Variants in ESRP1 observed in about 807,000 individuals in gnomAD.
The protein encoded by ESRP1 is RNA-binding motif protein 35A.
ESRP1 carries 33 observed loss-of-function variants against 81.7 expected under a neutral mutation model. The ratio of observed to expected loss-of-function variants is 0.40; its 90% CI spans 0.31 to 0.54. ESRP1 has a LOEUF of 0.54. Ranked by LOEUF, ESRP1 falls within the 20% of genes least tolerant of loss-of-function variation. The pLI is 0.41. For synonymous variants in ESRP1, 320 were observed against 303.3 expected (o/e 1.06, Z -0.57); for missense variants, 672 against 833.1 (o/e 0.81, Z 2.38).
At chr8:94,686,867 G>A (rs545922069) in intron 13 of ESRP1, among the ~76,000 whole-genome samples, 29 of 152,106 alleles carry the variant, frequency 1.9e-4, no homozygotes, top group African/African-American at 4.8e-4. Context: ...CTTATTTGGC[G>A]TGCAATTAGA....
chr8:94,651,239 CTTTTTTTTTTTTT>C (rs35413910), intron 4 of ESRP1, among the ~76,000 whole-genome samples: 2 of 102,796 alleles, frequency 1.9e-5, no homozygotes, highest in Non-Finnish European at 1.9e-5. Context: ...ATAGTGTGGT[CTTTTTTTTTTTTT>C]TTTTTTTTTG....
rs116616463 is a variant in ESRP1 at position 94,663,127 on chromosome 8, G to T, written c.644+572G>T. Among the ~76,000 whole-genome samples, 693 of 152,148 alleles carry T rather than the reference G, an allele frequency of 4.6e-3. 3 individuals are homozygous for T. The highest frequency in any genetic ancestry group is 0.016 in the African/African-American group (648 of 41,514). On this transcript the variant is annotated intron_variant, in intron 6 of 15. Transcript: ENST00000433389. ...GCTCATATCTGTGATTGTTATTTTG[G>T]TCTCCCCAAACTATCCGATCTTTCA...
chr8:94,680,218 G>A (rs1384844394), intron 13 of ESRP1, among the ~76,000 whole-genome samples: 2 of 152,036 alleles, frequency 1.3e-5, no homozygotes, highest in African/African-American at 2.4e-5. Flanking sequence ...AAAAAGGAAG[G>A]TCAGGTGCGT....
intron 3 of ESRP1, among the ~76,000 whole-genome samples, chr8:94,645,273 C>A (rs1048055503): frequency 1.3e-5 from 2 of 152,052 alleles, no homozygotes; most frequent in African/African-American, 4.8e-5. Context: ...GAACATTTAA[C>A]ATTTAAAAGT....
chr8:94,690,508 C>G (rs539947480), intron 13 of ESRP1, among the ~76,000 whole-genome samples: 5 of 151,808 alleles, frequency 3.3e-5, no homozygotes, highest in African/African-American at 1.2e-4. Context: ...ATTTTTCTTA[C>G]GATTCCTTGT....
At chr8:94,697,802 G>A (rs1191965546) in intron 15 of ESRP1, among the ~76,000 whole-genome samples, 1 of 151,652 alleles carries the variant, frequency 6.6e-6, no homozygotes, top group Non-Finnish European at 1.5e-5. Context: ...TTTTTTTTGA[G>A]ACAGAGTCTT....
At chr8:94,686,802 C>T (rs1375572798) in intron 13 of ESRP1, among the ~76,000 whole-genome samples, 1 of 152,132 alleles carries the variant, frequency 6.6e-6, no homozygotes, top group Non-Finnish European at 1.5e-5. Context: ...CATTATTGAA[C>T]ATAACTTCAG....
intron 4 of ESRP1, among the ~76,000 whole-genome samples, chr8:94,660,353 G>A (rs1478240344): frequency 6.6e-6 from 1 of 152,196 alleles, no homozygotes; most frequent in Non-Finnish European, 1.5e-5. Flanking sequence ...TGTAATCCCA[G>A]CCCTTGGGCA....
intron 15 of ESRP1, among the ~76,000 whole-genome samples, chr8:94,704,794 C>A (rs78668607): frequency 3.1e-4 from 32 of 101,972 alleles, no homozygotes; most frequent in South Asian, 1.7e-3. Context: ...AAAAAAAAAA[C>A]TGCAGTGAGC....
chr8:94,685,022 T>TAA (rs34287340), intron 13 of ESRP1, among the ~76,000 whole-genome samples: 3 of 143,874 alleles, frequency 2.1e-5, no homozygotes, highest in Non-Finnish European at 3.1e-5. Context: ...AGCCTGTCTT[T>TAA]AAAAAAAAAA....
Position 94,641,200 on chromosome 8 carries a change from G to T in ESRP1, c.-119G>T, listed in dbSNP as rs937586256. ...TTTTGCACTAGCAGTAGCAAGGAAG[G>T]GGGGTGGGCGCTCTTTCTTTTTCTC... On this transcript the variant is annotated 5_prime_UTR_variant, in exon 1 of 16. Transcript: ENST00000433389. 3.4e-5 allele frequency: 34 copies of T among 990,706 alleles called. No individual in the cohort carries two copies. The highest frequency in any genetic ancestry group is 3.3e-5 in the Non-Finnish European group (23 of 687,554). The allele number at this position is 990,706 out of a possible 1,614,324, so 61.4% of individuals were successfully genotyped here.
intron 9 of ESRP1, 137 bp from the exon 10 acceptor site, chr8:94,667,812 T>C: frequency 1.7e-6 from 1 of 584,982 alleles, no homozygotes; most frequent in South Asian, 3.6e-5. Context: ...ATTTCTAGGA[T>C]GTTATTTTGC....
intron 13 of ESRP1, among the ~76,000 whole-genome samples, chr8:94,684,782 A>C (rs1342752522): frequency 6.6e-6 from 1 of 152,140 alleles, no homozygotes; most frequent in African/African-American, 2.4e-5. Flanking sequence ...TCTGCAGGGC[A>C]TGGTGGCTCA....
At chr8:94,645,941 C>T (rs899083897) in intron 3 of ESRP1, among the ~76,000 whole-genome samples, 15 of 152,138 alleles carry the variant, frequency 9.9e-5, no homozygotes, top group Admixed American at 3.9e-4. Flanking sequence ...GGAGCACAAA[C>T]ATTGTAATCC....
chr8:94,667,435 T>TAA (rs3045883), intron 9 of ESRP1, among the ~76,000 whole-genome samples: 46,123 of 147,738 alleles, frequency 0.31, 8,388 homozygotes, highest in East Asian at 0.57. Flanking sequence ...CTTTCTTAAT[T>TAA]AAAAAAAAAA....
rs965624594 is a variant in ESRP1, at chr8:94,653,240, G to T, written c.490+6958G>T. Among the ~76,000 whole-genome samples, 11 of 152,240 alleles carry T rather than the reference G, an allele frequency of 7.2e-5. No homozygotes were observed. In the East Asian group the frequency reaches 1.9e-3, roughly 27 times the overall value. The stretch of plus-strand genomic sequence containing the variant: ...TGGGGGGTGTAAAGGATTTGGGTGT[G>T]TGTGCACATATGTGTGCTCTATTAT... On this transcript the variant is annotated intron_variant, in intron 4 of 15. Transcript: ENST00000433389.
chr8:94,684,854 G>A (rs1293980485), intron 13 of ESRP1, among the ~76,000 whole-genome samples: 1 of 151,910 alleles, frequency 6.6e-6, no homozygotes, highest in Non-Finnish European at 1.5e-5. Context: ...CCAGGAGTTC[G>A]AGACCATCCT....
intron 14 of ESRP1, among the ~76,000 whole-genome samples, chr8:94,693,503 A>G (rs1809484104): frequency 6.6e-6 from 1 of 152,256 alleles, no homozygotes; most frequent in Non-Finnish European, 1.5e-5. Context: ...CCATCTAAGC[A>G]GATAGCTTTC....
intron 4 of ESRP1, among the ~76,000 whole-genome samples, chr8:94,660,479 C>T (rs958019025): frequency 2.0e-5 from 3 of 151,770 alleles, no homozygotes; most frequent in Admixed American, 2.0e-4. Flanking sequence ...TGGCTCACGC[C>T]TATAATCCCA....
Sources: allele counts gnomAD v4.1 joint callset (sites outside exome capture counted in the v4.1 genomes callset), GRCh38; gene constraint gnomAD v4.1.1; transcripts MANE v1.5; gene names NCBI Gene and HGNC (gene_info 2026-07-23, HGNC 2026-07-21).